Variants in NAALADL2 observed in about 807,000 individuals in gnomAD.
NAALADL2 encodes the protein N-acetylated alpha-linked acidic dipeptidase like 2, also known as inactive N-acetylated-alpha-linked acidic dipeptidase-like protein 2.
A neutral mutation model predicts 87.2 loss-of-function variants in NAALADL2; 76 were observed. The ratio of observed to expected loss-of-function variants is 0.87; its 90% CI spans 0.72 to 1.05. The LOEUF is 1.05. Ranked by LOEUF, NAALADL2 falls within the 50% of genes least tolerant of loss-of-function variation. NAALADL2 has a pLI of 0.00. For missense variants in NAALADL2, 1,089 were observed against 945.8 expected, an observed-to-expected ratio of 1.15 and a Z score of -1.99; for synonymous variants, 354 against 331.0, an observed-to-expected ratio of 1.07 and a Z score of -0.75.
At chr3:175,195,876 C>T (rs1208735591) in intron 2 of NAALADL2, among the ~76,000 whole-genome samples, 1 of 151,880 alleles carries the variant, frequency 6.6e-6, no homozygotes, top group African/African-American at 2.4e-5. Context: ...TCTTCTATAG[C>T]ATTGACAGTT....
At chr3:175,672,204 T>G (rs1048396352) in intron 11 of NAALADL2, among the ~76,000 whole-genome samples, 3 of 152,172 alleles carry the variant, frequency 2.0e-5, no homozygotes, top group Non-Finnish European at 2.9e-5. Flanking sequence ...TGTTGGCTTT[T>G]TAATGGTGCT....
chr3:175,794,155 A>C (rs556443285), intron 13 of NAALADL2, among the ~76,000 whole-genome samples: 1 of 152,336 alleles, frequency 6.6e-6, no homozygotes, highest in South Asian at 2.1e-4. Context: ...ATGCATCTTT[A>C]TATTAATTGT....
chr3:175,195,672 G>C (rs1370305845), intron 2 of NAALADL2, among the ~76,000 whole-genome samples: 1 of 151,848 alleles, frequency 6.6e-6, no homozygotes, highest in Non-Finnish European at 1.5e-5. Context: ...TAGGTCTATA[G>C]GTCTGTGCTC....
chr3:175,010,132 A>T (rs1022465531), intron 1 of NAALADL2, among the ~76,000 whole-genome samples: 5 of 147,880 alleles, frequency 3.4e-5, no homozygotes, highest in Non-Finnish European at 7.4e-5. Flanking sequence ...ATTATAATCT[A>T]ATATTATATA....
chr3:175,692,998 A>G (rs1227775933), intron 11 of NAALADL2, among the ~76,000 whole-genome samples: 1 of 152,230 alleles, frequency 6.6e-6, no homozygotes, highest in Non-Finnish European at 1.5e-5. Flanking sequence ...TGTAAAGCTC[A>G]GAGTTTCAGT....
chr3:175,209,905 A>T (rs2109252879), intron 2 of NAALADL2, among the ~76,000 whole-genome samples: 1 of 152,014 alleles, frequency 6.6e-6, no homozygotes, highest in Non-Finnish European at 1.5e-5. Context: ...AAATAAATAA[A>T]GTCTACAAGT....
intron 1 of NAALADL2, among the ~76,000 whole-genome samples, chr3:175,072,846 G>GA (rs1165422233): frequency 1.3e-5 from 2 of 150,218 alleles, no homozygotes; most frequent in Admixed American, 6.7e-5. Context: ...AGCAATAAAA[G>GA]AAAAAAAACG....
At chr3:174,507,583 A>G (rs1368740957) in intron 1 of NAALADL2, among the ~76,000 whole-genome samples, 2 of 150,292 alleles carry the variant, frequency 1.3e-5, no homozygotes, top group South Asian at 2.1e-4. Context: ...CTCCTCCTCT[A>G]TTGCTGAACT....
chr3:175,494,302 A>G (rs1728512824), intron 9 of NAALADL2, among the ~76,000 whole-genome samples: 1 of 152,094 alleles, frequency 6.6e-6, no homozygotes, highest in Admixed American at 6.6e-5. Context: ...TTTTTCTGTT[A>G]CAATATGGTG....
chr3:175,315,254 C>G (rs1264034372), intron 4 of NAALADL2, among the ~76,000 whole-genome samples: 1 of 152,118 alleles, frequency 6.6e-6, no homozygotes, highest in East Asian at 1.9e-4. Context: ...ATGTTAGCAC[C>G]CATGAAAACT....
At chr3:175,252,190 A>G (rs971768201) in intron 3 of NAALADL2, among the ~76,000 whole-genome samples, 4 of 152,194 alleles carry the variant, frequency 2.6e-5, no homozygotes, top group Admixed American at 1.3e-4. Flanking sequence ...GTTTTCAACA[A>G]TTTGAAGGTC....
rs72490338 is a variant in NAALADL2 at position 174,882,425 on chromosome 3, T to TTGTG, written c.43+22985_43+22988dup. Among the ~76,000 whole-genome samples, 1,358 of 149,354 alleles carry TTGTG rather than the reference T, an allele frequency of 9.1e-3. 29 individuals are homozygous for TTGTG. The highest frequency in any genetic ancestry group is 0.033 in the African/African-American group (1,315 of 40,452). ...ATATAATGTATATTGTGTATGTGTG[T>TTGTG]TGTGTGTGTGTGTATATATGTGTGT... On this transcript the variant is annotated intron_variant, in intron 1 of 13. Coordinates refer to ENST00000454872, the MANE Select transcript of NAALADL2 (RefSeq NM_207015.3).
intron 2 of NAALADL2, among the ~76,000 whole-genome samples, chr3:174,620,317 A>G (rs1288673891): frequency 6.6e-6 from 1 of 152,032 alleles, no homozygotes; most frequent in Non-Finnish European, 1.5e-5. Context: ...GCACTGAGTC[A>G]CCCGATGTAC....
At chr3:175,080,216 C>T (rs900756439) in intron 1 of NAALADL2, among the ~76,000 whole-genome samples, 1 of 152,180 alleles carries the variant, frequency 6.6e-6, no homozygotes, top group Non-Finnish European at 1.5e-5. Context: ...CCACGCACCT[C>T]GGCCTCCCAA....
chr3:175,255,829 G>A (rs567131182), intron 3 of NAALADL2, among the ~76,000 whole-genome samples: 1 of 152,302 alleles, frequency 6.6e-6, no homozygotes, highest in African/African-American at 2.4e-5. Flanking sequence ...TTGGGGCCAT[G>A]TTCTAAAGTC....
chr3:175,769,691 T>C (rs990114030), intron 13 of NAALADL2, among the ~76,000 whole-genome samples: 2 of 151,710 alleles, frequency 1.3e-5, no homozygotes, highest in African/African-American at 4.9e-5. Context: ...AACAGAACAA[T>C]AGGACAATAG....
chr3:175,402,100 C>A (rs965213825), intron 5 of NAALADL2, among the ~76,000 whole-genome samples: 4 of 151,930 alleles, frequency 2.6e-5, no homozygotes, highest in African/African-American at 9.7e-5. Context: ...GAAAATATTT[C>A]TTAATAAATT....
chr3:174,899,920 C>T (rs9814810), intron 1 of NAALADL2, among the ~76,000 whole-genome samples: 30,592 of 151,492 alleles, frequency 0.2, 3,184 homozygotes, highest in East Asian at 0.32. Context: ...AAAAAGCTAA[C>T]AATTTCAAAA....
intron 2 of NAALADL2, among the ~76,000 whole-genome samples, chr3:174,583,323 A>G (rs1195582423): frequency 1.3e-5 from 2 of 152,214 alleles, no homozygotes; most frequent in African/African-American, 4.8e-5. Flanking sequence ...CTAAAGTACC[A>G]TGCCATTTTT....
Sources: allele counts gnomAD v4.1 joint callset (sites outside exome capture counted in the v4.1 genomes callset), GRCh38; gene constraint gnomAD v4.1.1; transcripts MANE v1.5; gene names NCBI Gene and HGNC (gene_info 2026-07-23, HGNC 2026-07-21).